The following STRN variants were observed in gnomAD, a reference collection of about 807,000 sequenced individuals.
STRN encodes the protein protein phosphatase 2 regulatory subunit B'''alpha.
Under a neutral mutation model 96.3 loss-of-function variants are expected in STRN, and 53 were observed. The observed-to-expected ratio is 0.55, with a 90% CI of 0.44 to 0.69. STRN has a LOEUF of 0.69. Among genes scored for constraint, STRN ranks in the 30% least tolerant of loss-of-function variants. STRN has a pLI of 0.00. For synonymous variants in STRN, 428 were observed against 355.9 expected (o/e 1.20, Z -2.28); for missense variants, 987 against 963.9 (o/e 1.02, Z -0.32).
intron 1 of STRN, among the ~76,000 whole-genome samples, chr2:36,937,882 T>C (rs934037077): frequency 6.6e-6 from 1 of 152,148 alleles, no homozygotes; most frequent in Admixed American, 6.5e-5. Context: ...AAGTGTATTC[T>C]TTAAAAGGAC....
rs1388942711 is a variant in STRN at position 36,931,195 on chromosome 2, A to T, written c.235-5987T>A. Among the ~76,000 whole-genome samples the T allele has an allele frequency of 2.0e-5, 3 of 152,076 alleles. No individual in the cohort carries two copies. The East Asian group carries it at 5.8e-4, about 29-fold the overall frequency. ...GAGTCTTATACAGGCCTTCAAGCTG[A>T]CAGACGAGTACATACTAGCTTTTTG... On this transcript the variant is annotated intron_variant, in intron 1 of 17. Transcript: ENST00000263918.
chr2:36,948,723 C>T (rs1429567594), intron 1 of STRN, among the ~76,000 whole-genome samples: 1 of 152,102 alleles, frequency 6.6e-6, no homozygotes, highest in East Asian at 1.9e-4. Flanking sequence ...AAGTAAAAAA[C>T]AGTACAAGGT....
chr2:36,878,102 A>T, intron 9 of STRN, 75 bp from the exon 10 acceptor site: 1 of 1,545,174 alleles, frequency 6.5e-7, no homozygotes, highest in East Asian at 2.3e-5. Context: ...CTTGCATCAA[A>T]TTTCTTATAA....
chr2:36,839,659 A>G lies in STRN; in HGVS notation c.*9797T>C, dbSNP rs1169875336. Among the ~76,000 whole-genome samples the G allele has an allele frequency of 6.6e-6, 1 of 152,204 alleles. No homozygotes were observed. Among genetic ancestry groups the G allele is most frequent in the African/African-American group, 2.4e-5 (1 of 41,462 alleles). ...TTGTCTAAAATCTAACAGACAATAAATGTCCTATTGTCCAGGCCAAATTCC... is the reference window on the plus strand; with the variant it reads ...TTGTCTAAAATCTAACAGACAATAAGTGTCCTATTGTCCAGGCCAAATTCC... On this transcript the variant is annotated 3_prime_UTR_variant, in exon 18 of 18. Coordinates refer to ENST00000263918, the MANE Select transcript of STRN (RefSeq NM_003162.4).
chr2:36,951,692 G>A (rs1017267594), intron 1 of STRN, among the ~76,000 whole-genome samples: 3 of 152,202 alleles, frequency 2.0e-5, no homozygotes, highest in African/African-American at 4.8e-5. Flanking sequence ...CAGCTACTAT[G>A]TGCCAGTCAC....
intron 1 of STRN, among the ~76,000 whole-genome samples, chr2:36,940,154 T>A (rs1670809186): frequency 1.3e-5 from 2 of 152,214 alleles, no homozygotes; most frequent in Admixed American, 1.3e-4. Flanking sequence ...GAAATGAACA[T>A]TATAATCGGA....
chr2:36,849,630 A>T lies in STRN; in HGVS notation c.2174-5T>A, dbSNP rs1467177907. On this transcript the variant is annotated splice_region_variant and splice_polypyrimidine_tract_variant and intron_variant, in intron 17 of 17. Coordinates refer to ENST00000263918, the MANE Select transcript of STRN (RefSeq NM_003162.4). ...AACGTATTGAACAGTCATGACCTAT[A>T]TCCAAAAAAAAAATTAAAAGGAAAA... The T allele has an allele frequency of 6.2e-7, 1 of 1,612,470 alleles. No individual in the cohort carries two copies. Among genetic ancestry groups the T allele is most frequent in the Admixed American group, 1.7e-5 (1 of 59,594 alleles).
At chr2:36,959,094 C>T (rs779610823) in intron 1 of STRN, among the ~76,000 whole-genome samples, 5 of 152,036 alleles carry the variant, frequency 3.3e-5, no homozygotes, top group Non-Finnish European at 5.9e-5. Context: ...CCAGCCTGGG[C>T]GACACAGCTA....
rs980936896 is a variant in STRN, at chr2:36,888,329, C to A, written c.932-1503G>T. 5.3e-5 allele frequency among the ~76,000 whole-genome samples: 8 copies of A among 152,268 alleles called. No homozygotes were observed. In the South Asian group the frequency reaches 6.2e-4, roughly 12 times the overall value. ...CCAAAGATGGTTTAAAATAAAAGATCGTGTCACCCTTCTTGCTCAAATCCC... is the reference window on the plus strand; with the variant it reads ...CCAAAGATGGTTTAAAATAAAAGATAGTGTCACCCTTCTTGCTCAAATCCC... On this transcript the variant is annotated intron_variant, in intron 7 of 17. Transcript: ENST00000263918.
chr2:36,879,265 T>A (rs1669004546), intron 9 of STRN, among the ~76,000 whole-genome samples: 1 of 152,052 alleles, frequency 6.6e-6, no homozygotes, highest in Non-Finnish European at 1.5e-5. Context: ...GAGACGGGGT[T>A]TCCCCATGTT....
Position 36,871,608 on chromosome 2 carries a change from G to C in STRN, c.1324-1879C>G, listed in dbSNP as rs546144738. Among the ~76,000 whole-genome samples, 10 of 152,150 alleles carry C rather than the reference G, an allele frequency of 6.6e-5. 1 individual carries two copies. On this transcript the variant is annotated intron_variant, in intron 10 of 17. Transcript: ENST00000263918. Reference sequence around the variant, plus strand: ...GGAGAAATACTACTTATTTACAAAAGACAAAAATACACCAATTCTAACAAC... The same window carrying C: ...GGAGAAATACTACTTATTTACAAAACACAAAAATACACCAATTCTAACAAC...
chr2:36,849,706 G>A lies in STRN; in HGVS notation c.2173+8C>T, dbSNP rs769106628. Reference sequence around the variant, plus strand: ...GACAAATAAATAATCCATAGTTGAGGTACTTACTGCCAGACATCAAGTAAA... The same window carrying A: ...GACAAATAAATAATCCATAGTTGAGATACTTACTGCCAGACATCAAGTAAA... On this transcript the variant is annotated splice_region_variant and intron_variant, in intron 17 of 17. Transcript: ENST00000263918. 1.6e-5 allele frequency: 26 copies of A among 1,613,756 alleles called. No individual in the cohort carries two copies. Among genetic ancestry groups the A allele is most frequent in the South Asian group, 1.1e-5 (1 of 91,054 alleles).
intron 15 of STRN, among the ~76,000 whole-genome samples, chr2:36,853,361 T>C (rs539824038): frequency 6.6e-6 from 1 of 152,228 alleles, no homozygotes; most frequent in African/African-American, 2.4e-5. Flanking sequence ...AAAAAAGAAA[T>C]ACTTTAAGTG....
At chr2:36,944,709 G>T (rs1330282345) in intron 1 of STRN, among the ~76,000 whole-genome samples, 2 of 152,068 alleles carry the variant, frequency 1.3e-5, no homozygotes, top group East Asian at 3.8e-4. Flanking sequence ...TCAATAAATG[G>T]ACAGAAAGAC....
intron 1 of STRN, among the ~76,000 whole-genome samples, chr2:36,942,658 C>G (rs750050752): frequency 6.6e-6 from 1 of 152,074 alleles, no homozygotes; most frequent in Non-Finnish European, 1.5e-5. Flanking sequence ...GGGTAAAGTT[C>G]TAACATATCT....
chr2:36,874,718 A>T lies in STRN; in HGVS notation c.1323+3173T>A, dbSNP rs1205138250. Among the ~76,000 whole-genome samples, 608 of 97,732 alleles carry T rather than the reference A, an allele frequency of 6.2e-3. 1 individual carries two copies. The highest frequency in any genetic ancestry group is 0.019 in the African/African-American group (561 of 29,276). The allele number at this position is 97,732 out of a possible 152,430, so 64.1% of individuals were successfully genotyped here. On this transcript the variant is annotated intron_variant, in intron 10 of 17. Transcript: ENST00000263918. ...ACAGTAAAATACTATGTTTAGAGTT[A>T]AAAAAAAAAAAAAAAAAAAAAACAC...
chr2:36,926,952 C>T (rs1379052607), intron 1 of STRN, among the ~76,000 whole-genome samples: 1 of 152,142 alleles, frequency 6.6e-6, no homozygotes, highest in Non-Finnish European at 1.5e-5. Context: ...AAATGTTTGT[C>T]TATGCCAAAC....
At chr2:36,858,242 G>A (rs957079810) in intron 13 of STRN, among the ~76,000 whole-genome samples, 5 of 152,022 alleles carry the variant, frequency 3.3e-5, no homozygotes, top group East Asian at 3.8e-4. Context: ...TTAAAAGCAC[G>A]TATTTTTCCC....
intron 15 of STRN, among the ~76,000 whole-genome samples, chr2:36,852,975 G>A (rs1183352962): frequency 6.6e-6 from 1 of 152,160 alleles, no homozygotes; most frequent in East Asian, 1.9e-4. Context: ...TGGCCAACAT[G>A]GTGAAACTCT....
Sources: allele counts gnomAD v4.1 joint callset (sites outside exome capture counted in the v4.1 genomes callset), GRCh38; gene constraint gnomAD v4.1.1; transcripts MANE v1.5; gene names NCBI Gene and HGNC (gene_info 2026-07-23, HGNC 2026-07-21).